Variants in SLC4A4 observed in about 807,000 individuals in gnomAD.
SLC4A4 encodes solute carrier family 4 member 4.
In SLC4A4, 27 loss-of-function variants were observed where a neutral mutation model predicts 111.5. The ratio of observed to expected loss-of-function variants is 0.24; its 90% CI spans 0.18 to 0.33. SLC4A4 has a LOEUF of 0.33. Ranked by LOEUF, SLC4A4 falls within the 10% of genes least tolerant of loss-of-function variation. The pLI is 1.00. For synonymous variants in SLC4A4, 443 were observed against 463.4 expected (o/e 0.96, Z 0.57); for missense variants, 909 against 1,315.5 (o/e 0.69, Z 4.78).
At chr4:71,227,024 T>C (rs556416545) in intron 1 of SLC4A4, among the ~76,000 whole-genome samples, 39 of 151,952 alleles carry the variant, frequency 2.6e-4, no homozygotes, top group African/African-American at 8.7e-4. Context: ...CCAAGTACAG[T>C]TGAGTGATGA....
chr4:71,381,725 C>CT (rs988240597), intron 6 of SLC4A4, among the ~76,000 whole-genome samples: 3 of 151,238 alleles, frequency 2.0e-5, no homozygotes, highest in East Asian at 1.9e-4. Context: ...CCAGTTAGAC[C>CT]TTTTTTTTTG....
rs376654711 is a variant in SLC4A4, at chr4:71,464,459, A to G, written c.1498-1985A>G. ...GTCCCTGTGAGGAAGAATGAGCAAG[A>G]TAGTCTCTCTACGGAATGGCTATAA... On this transcript the variant is annotated intron_variant, in intron 12 of 25. Transcript: ENST00000264485. 2.0e-5 allele frequency among the ~76,000 whole-genome samples: 3 copies of G among 152,170 alleles called. No homozygotes were observed. The East Asian group carries it at 5.8e-4, about 29-fold the overall frequency.
chr4:71,357,042 A>G lies in SLC4A4; in HGVS notation c.585A>G (p.Leu195=). The G allele has an allele frequency of 1.2e-6, 2 of 1,614,124 alleles. No homozygotes were observed. Among genetic ancestry groups the G allele is most frequent in the South Asian group, 1.1e-5 (1 of 91,074 alleles). ...MIVDHQIETG[L]LKPELKDKVT... is the part of the protein sequence containing the mutation. ...TTGACCATCAGATTGAGACAGGCCTATTGAAACCTGAACTTAAGGATAAGG... is the reference window on the plus strand; with the variant it reads ...TTGACCATCAGATTGAGACAGGCCTGTTGAAACCTGAACTTAAGGATAAGG... Residue 195 remains leucine (L), a synonymous_variant, in exon 6 of 26, where the codon CTA becomes CTG. Coordinates refer to ENST00000264485, the MANE Select transcript of SLC4A4 (RefSeq NM_001098484.3).
At chr4:71,357,702 C>T (rs767223235) in intron 6 of SLC4A4, among the ~76,000 whole-genome samples, 7 of 152,122 alleles carry the variant, frequency 4.6e-5, no homozygotes, top group East Asian at 1.9e-4. Context: ...TCTAATAAAA[C>T]CAATCTGCTT....
At chr4:71,552,967 T>C (rs1736165989) in intron 20 of SLC4A4, among the ~76,000 whole-genome samples, 1 of 151,890 alleles carries the variant, frequency 6.6e-6, no homozygotes, top group Admixed American at 6.6e-5. Context: ...GTGATGAATT[T>C]TTAAGGATTG....
intron 1 of SLC4A4, among the ~76,000 whole-genome samples, chr4:71,228,393 T>A (rs973895000): frequency 3.3e-5 from 5 of 152,216 alleles, no homozygotes; most frequent in African/African-American, 9.6e-5. Context: ...AATCATGACC[T>A]CTGGGTCTGT....
intron 8 of SLC4A4, among the ~76,000 whole-genome samples, chr4:71,441,258 T>C (rs879477143): frequency 6.6e-6 from 1 of 152,206 alleles, no homozygotes; most frequent in Non-Finnish European, 1.5e-5. Flanking sequence ...AAATGTTGTG[T>C]CACAAATTTT....
chr4:71,467,882 C>CAT (rs1231488720), intron 13 of SLC4A4, among the ~76,000 whole-genome samples: 2 of 67,668 alleles, frequency 3.0e-5, no homozygotes, highest in Non-Finnish European at 6.5e-5. Context: ...TCCTTGTTGG[C>CAT]ATTCCCATAG....
At chr4:71,092,883 T>G (rs1372395843) in intron 2 of SLC4A4, among the ~76,000 whole-genome samples, 1 of 152,020 alleles carries the variant, frequency 6.6e-6, no homozygotes, top group Non-Finnish European at 1.5e-5. Flanking sequence ...GATCACAAGG[T>G]CAAGAGATCA....
intron 7 of SLC4A4, among the ~76,000 whole-genome samples, chr4:71,404,108 T>TA (rs1377289660): frequency 6.6e-6 from 1 of 152,212 alleles, no homozygotes; most frequent in Non-Finnish European, 1.5e-5. Flanking sequence ...ATTATTGAAA[T>TA]ATTTAATGCA....
chr4:71,287,763 T>C (rs1192663176), intron 3 of SLC4A4, among the ~76,000 whole-genome samples: 1 of 152,188 alleles, frequency 6.6e-6, no homozygotes, highest in East Asian at 1.9e-4. Flanking sequence ...GTGATTAGTC[T>C]CAACACAAAA....
At chr4:71,256,994 C>T (rs1721502515) in intron 3 of SLC4A4, among the ~76,000 whole-genome samples, 1 of 152,018 alleles carries the variant, frequency 6.6e-6, no homozygotes, top group African/African-American at 2.4e-5. Context: ...CAAATAGGCC[C>T]AGGAATTTTG....
At position 71,357,333 on chromosome 4, in the gene SLC4A4, T is replaced by C. The variant is rs1431303642; in HGVS notation, c.730+146T>C. 1.9e-5 allele frequency: 16 copies of C among 830,056 alleles called. No individual in the cohort carries two copies. In the South Asian group the frequency reaches 2.5e-4, roughly 13 times the overall value. 51.4% of individuals were successfully genotyped at this position (830,056 alleles called of 1,614,324 possible). On this transcript the variant is annotated intron_variant, in intron 6 of 25. Transcript: ENST00000264485. Reference sequence around the variant, plus strand: ...CATAGTCATTTCATATTGACATTTTTAATCCAGTTGGACAGGTTTGCAGTC... The same window carrying C: ...CATAGTCATTTCATATTGACATTTTCAATCCAGTTGGACAGGTTTGCAGTC...
intron 3 of SLC4A4, among the ~76,000 whole-genome samples, chr4:71,293,462 C>G (rs994022686): frequency 6.6e-6 from 1 of 151,282 alleles, no homozygotes; most frequent in African/African-American, 2.4e-5. Flanking sequence ...ACTTGGGAGG[C>G]TGAGGCACAA....
At chr4:71,411,634 T>C (rs973428980) in intron 7 of SLC4A4, among the ~76,000 whole-genome samples, 5 of 152,050 alleles carry the variant, frequency 3.3e-5, no homozygotes, top group African/African-American at 1.2e-4. Flanking sequence ...TAAAAAGCAG[T>C]TAAAAAAAAA....
At position 71,440,623 on chromosome 4, in the gene SLC4A4, A is replaced by T; in HGVS notation, c.815A>T (p.Asn272Ile). Residue 272 changes from asparagine (N) to isoleucine (I), a missense_variant, in exon 8 of 26, where the codon AAT becomes ATT. Around this residue, in one of 7 missense-constraint regions of SLC4A4, gnomAD observed 312 missense variants for 402.0 expected, o/e 0.78. Coordinates refer to ENST00000264485, the MANE Select transcript of SLC4A4 (RefSeq NM_001098484.3). The stretch of plus-strand genomic sequence containing the variant: ...TTGGTTCTTCTCATGCAGCTGAAGA[A>T]TAAGTTCATGAAAAAATTGCCACGT... ...SDKPEKDQLK[N>I]KFMKKLPRDA... The T allele has an allele frequency of 6.2e-7, 1 of 1,614,146 alleles. No individual in the cohort carries two copies.
intron 1 of SLC4A4, among the ~76,000 whole-genome samples, chr4:71,089,802 C>A (rs1290147492): frequency 1.3e-5 from 2 of 152,090 alleles, no homozygotes; most frequent in South Asian, 4.2e-4. Flanking sequence ...TGTCAGTCTG[C>A]CCCTACTGGG....
chr4:71,316,499 AAAAC>A (rs1237432903), intron 3 of SLC4A4, among the ~76,000 whole-genome samples: 1 of 152,100 alleles, frequency 6.6e-6, no homozygotes, highest in African/African-American at 2.4e-5. Context: ...CGTTTTTTTA[AAAAC>A]AGAATTCACA....
rs911619713 is a variant in SLC4A4 at position 71,420,020 on chromosome 4, T to C, written c.808-20596T>C. The stretch of plus-strand genomic sequence containing the variant: ...CTTTGACGAGTTGAGAGAAGAAGGC[T>C]TCAGACGATCAAACAACGAGCTACC... On this transcript the variant is annotated intron_variant, in intron 7 of 25. Coordinates refer to ENST00000264485, the MANE Select transcript of SLC4A4 (RefSeq NM_001098484.3). Among the ~76,000 whole-genome samples the C allele has an allele frequency of 1.2e-4, 19 of 152,302 alleles. 1 individual carries two copies. The highest frequency in any genetic ancestry group is 4.6e-4 in the African/African-American group (19 of 41,564).
Sources: allele counts gnomAD v4.1 joint callset (sites outside exome capture counted in the v4.1 genomes callset), GRCh38; gene constraint gnomAD v4.1.1; regional missense constraint gnomAD v4.1.1; transcripts MANE v1.5; gene names NCBI Gene and HGNC (gene_info 2026-07-23, HGNC 2026-07-21).